Variants in CCDC33 observed in about 807,000 individuals in gnomAD.
The protein encoded by CCDC33 is coiled-coil domain containing 33.
A neutral mutation model predicts 91.9 loss-of-function variants in CCDC33; 94 were observed. The observed-to-expected ratio is 1.02, with a 90% CI of 0.87 to 1.21. The LOEUF (loss-of-function observed/expected upper bound fraction) is 1.21, where lower values mean the gene tolerates loss of function less well. CCDC33 is among the 50% of genes most tolerant of loss of function. CCDC33 has a pLI of 0.00. For synonymous variants in CCDC33, 396 were observed against 374.5 expected (o/e 1.06, Z -0.66); for missense variants, 940 against 935.5 (o/e 1.00, Z -0.06).
At chr15:74,318,749 G>C in intron 11 of CCDC33, 1 of 690,392 alleles carries the variant, frequency 1.4e-6, no homozygotes, top group Non-Finnish European at 2.7e-6. Flanking sequence ...GCAACCAGTA[G>C]AGGTGTTCCC....
At chr15:74,301,207 A>T (rs2059788738) in intron 11 of CCDC33, 2 of 152,290 alleles carry the variant, frequency 1.3e-5, no homozygotes, top group South Asian at 4.1e-4. Context: ...CCCATCTCAC[A>T]CGGAGCCAGG....
chr15:74,307,829 A>G (rs954525891), intron 11 of CCDC33, among the ~76,000 whole-genome samples: 1 of 152,134 alleles, frequency 6.6e-6, no homozygotes. Context: ...AACAACCTCA[A>G]AGAATTCTCA....
At chr15:74,221,216 G>GGT in intron 2 of CCDC33, 1 of 674,600 alleles carries the variant, frequency 1.5e-6, no homozygotes, top group South Asian at 8.1e-5. Context: ...TGTGGCACTG[G>GGT]TTTTTTTTTT....
chr15:74,214,144 A>G (rs2074393179), upstream of CCDC33, among the ~76,000 whole-genome samples: 1 of 149,540 alleles, frequency 6.7e-6, no homozygotes. Context: ...TCAGCGGGGG[A>G]GGTTGAAAGG....
Position 74,330,350 on chromosome 15 carries a change from C to G in CCDC33, c.1452C>G (p.Asn484Lys). 6.3e-7 allele frequency: 1 copy of G among 1,593,498 alleles called. No individual in the cohort carries two copies. Among genetic ancestry groups the G allele is most frequent in the Non-Finnish European group, 8.5e-7 (1 of 1,170,544 alleles). ...AGGGCAAAGCCAGTGAGGCCCAGAA[C>G]ACGGGTGAGGATGTGCAGGCCACCA... ...EGQGKASEAQ[N>K]TVSMKQKLLL... The change falls in exon 12 of 19, where the codon AAC becomes AAG. Residue 484 changes from asparagine (N) to lysine (K), a missense_variant. Asn to Lys is a moderately conservative substitution (Grantham distance 94). Coordinates refer to ENST00000398814, the MANE Select transcript of CCDC33 (RefSeq NM_025055.5).
chr15:74,293,165 G>A (rs1447887256), intron 10 of CCDC33, among the ~76,000 whole-genome samples: 1 of 152,130 alleles, frequency 6.6e-6, no homozygotes, highest in Non-Finnish European at 1.5e-5. Context: ...TTTCAGTACT[G>A]ATGGGGGCAC....
intron 10 of CCDC33, among the ~76,000 whole-genome samples, chr15:74,290,456 T>A (rs2059565414): frequency 6.6e-6 from 1 of 152,132 alleles, no homozygotes; most frequent in South Asian, 2.1e-4. Flanking sequence ...ATTAGATTTC[T>A]AACCTGTGCC....
intron 2 of CCDC33, among the ~76,000 whole-genome samples, chr15:74,229,838 G>T (rs1265896907): frequency 6.6e-6 from 1 of 152,224 alleles, no homozygotes; most frequent in African/African-American, 2.4e-5. Context: ...CTGGGGACAT[G>T]GTCCCCGCCC....
chr15:74,292,279 C>G (rs2059598966), intron 10 of CCDC33, among the ~76,000 whole-genome samples: 1 of 152,218 alleles, frequency 6.6e-6, no homozygotes. Context: ...ATCCTCCACC[C>G]TGACTCACCA....
chr15:74,328,386 A>ACC (rs1311804158), intron 11 of CCDC33, among the ~76,000 whole-genome samples: 1 of 152,188 alleles, frequency 6.6e-6, no homozygotes, highest in Non-Finnish European at 1.5e-5. Flanking sequence ...TCACAGCAAC[A>ACC]CCAGGCATCT....
chr15:74,295,682 A>G (rs2059671671), intron 10 of CCDC33, 72 bp from the exon 11 acceptor site: 3 of 1,321,170 alleles, frequency 2.3e-6, no homozygotes, highest in African/African-American at 1.5e-5. Context: ...TGGGGTGTAG[A>G]TGGTGTGCTT....
In CCDC33 at chr15:74,218,641, C is replaced by G. The variant is rs769128385; in HGVS notation, c.455C>G (p.Pro152Arg). 7.8e-7 allele frequency: 1 copy of G among 1,289,882 alleles called. No homozygotes were observed. The allele number at this position is 1,289,882 out of a possible 1,614,324, so 79.9% of individuals were successfully genotyped here. ...AGGCCAGACCAACCCCGCATGAACC[C>G]AAAGGCTCAGGATCACGAGGACCTG... is the stretch of plus-strand genomic sequence containing the variant. Residue 152 changes from proline to arginine, a missense_variant, in exon 2 of 3, where the codon CCA becomes CGA. Transcript: ENST00000635913. The surrounding 1 kb of genome is among the most constrained non-coding windows in gnomAD (Gnocchi z 4.8).
Position 74,218,907 on chromosome 15 carries a change from A to G in CCDC33, c.675+46A>G. ...AGTTCAGGTTCTGGGCTCACCGGGT[A>G]CAAGACCCAGCCTCCGTGATAAGCC... On this transcript the variant is annotated intron_variant, in intron 2 of 2. Transcript: ENST00000635913. The surrounding 1 kb of genome is among the most constrained non-coding windows in gnomAD (Gnocchi z 4.8). The G allele has an allele frequency of 1.7e-6, 2 of 1,198,022 alleles. No individual in the cohort carries two copies. The highest frequency in any genetic ancestry group is 1.5e-5 in the South Asian group (1 of 65,652). The allele number at this position is 1,198,022 out of a possible 1,614,324, so 74.2% of individuals were successfully genotyped here. A position where few individuals can be genotyped will look rare whatever the true frequency, so the allele number is the denominator to read the frequency against.
intron 2 of CCDC33, among the ~76,000 whole-genome samples, chr15:74,262,237 T>A (rs1595972014): frequency 6.6e-6 from 1 of 152,264 alleles, no homozygotes; most frequent in South Asian, 2.1e-4. Flanking sequence ...GCCTCAGTAG[T>A]GGCCAGCGAG....
intron 1 of CCDC33, among the ~76,000 whole-genome samples, chr15:74,238,744 C>T (rs929655405): frequency 3.9e-5 from 6 of 152,082 alleles, no homozygotes; most frequent in Non-Finnish European, 4.4e-5. Flanking sequence ...CTCTTGCTGC[C>T]ACCAATGGAT....
chr15:74,317,200 A>G (rs1308548823), intron 11 of CCDC33, among the ~76,000 whole-genome samples: 7 of 152,170 alleles, frequency 4.6e-5, no homozygotes, highest in Non-Finnish European at 1.0e-4. Context: ...TCTACTAAAA[A>G]AATACAAGAA....
intron 5 of CCDC33, among the ~76,000 whole-genome samples, chr15:74,271,469 G>A (rs1270528184): frequency 1.3e-5 from 2 of 152,266 alleles, no homozygotes; most frequent in East Asian, 3.9e-4. Flanking sequence ...TAAATCCCAG[G>A]ACAGAAAGCG....
intron 5 of CCDC33, among the ~76,000 whole-genome samples, chr15:74,269,596 A>C (rs1292817962): frequency 6.6e-6 from 1 of 152,200 alleles, no homozygotes; most frequent in Non-Finnish European, 1.5e-5. Flanking sequence ...TGCTGTCCCC[A>C]GGCCGCACCC....
chr15:74,232,383 G>A (rs1297140265), upstream of CCDC33, among the ~76,000 whole-genome samples: 1 of 152,184 alleles, frequency 6.6e-6, no homozygotes, highest in African/African-American at 2.4e-5. Context: ...TGGAACCTGT[G>A]AGAAGCCTTC....
Sources: allele counts gnomAD v4.1 joint callset (sites outside exome capture counted in the v4.1 genomes callset), GRCh38; gene constraint gnomAD v4.1.1; non-coding constraint Gnocchi (gnomAD v3.1); transcripts MANE v1.5; gene names NCBI Gene and HGNC (gene_info 2026-07-23, HGNC 2026-07-21).